Variants in PREX1 observed in about 807,000 individuals in gnomAD.
PREX1 encodes phosphatidylinositol-3,4,5-trisphosphate dependent Rac exchange factor 1.
Under a neutral mutation model 198.3 loss-of-function variants are expected in PREX1, and 41 were observed. The observed-to-expected ratio is 0.21, with a 90% CI of 0.16 to 0.27. The LOEUF (loss-of-function observed/expected upper bound fraction) is 0.27, where lower values mean the gene tolerates loss of function less well. PREX1 is among the 10% of genes least tolerant of loss of function. The pLI is 1.00. For missense variants in PREX1, 1,620 were observed against 2,200.7 expected (o/e 0.74, Z 5.28); for synonymous variants, 843 against 887.2 (o/e 0.95, Z 0.89).
At chr20:48,690,019 G>A (rs779930855) in intron 9 of PREX1, among the ~76,000 whole-genome samples, 4 of 152,162 alleles carry the variant, frequency 2.6e-5, no homozygotes, top group Non-Finnish European at 5.9e-5. Flanking sequence ...GGGGTGATAC[G>A]AAGAGTTTGA....
chr20:48,631,239 G>A (rs550614840), intron 35 of PREX1, among the ~76,000 whole-genome samples: 17 of 152,284 alleles, frequency 1.1e-4, no homozygotes, highest in African/African-American at 3.4e-4. Context: ...TCTCGATCGC[G>A]GCCACTCAGC....
At chr20:48,628,937 A>G (rs572347555) in intron 37 of PREX1, among the ~76,000 whole-genome samples, 6 of 152,196 alleles carry the variant, frequency 3.9e-5, no homozygotes, top group Non-Finnish European at 7.4e-5. Flanking sequence ...AAATACCCCA[A>G]TGAAGGCTGT....
intron 1 of PREX1, among the ~76,000 whole-genome samples, chr20:48,800,868 C>G (rs2090383568): frequency 6.6e-6 from 1 of 151,924 alleles, no homozygotes; most frequent in South Asian, 2.1e-4. Flanking sequence ...GTTGCCCAGG[C>G]TGGTCTTGAA....
At chr20:48,639,417 T>C (rs1018460462) in intron 30 of PREX1, among the ~76,000 whole-genome samples, 7 of 152,218 alleles carry the variant, frequency 4.6e-5, no homozygotes, top group Admixed American at 2.0e-4. Context: ...CCTCATACCC[T>C]GATAATAACA....
chr20:48,709,199 C>G (rs2089918789), intron 5 of PREX1, among the ~76,000 whole-genome samples: 1 of 152,150 alleles, frequency 6.6e-6, no homozygotes, highest in South Asian at 2.1e-4. Flanking sequence ...GCCAAATTAC[C>G]CAAATCACCC....
intron 7 of PREX1, among the ~76,000 whole-genome samples, chr20:48,700,527 A>G (rs2089868394): frequency 6.6e-6 from 1 of 152,246 alleles, no homozygotes; most frequent in African/African-American, 2.4e-5. Context: ...ACTAAAATAT[A>G]TTATTTAAAT....
chr20:48,817,519 T>C (rs1167576460), intron 1 of PREX1, among the ~76,000 whole-genome samples: 3 of 152,120 alleles, frequency 2.0e-5, no homozygotes, highest in Non-Finnish European at 4.4e-5. Flanking sequence ...ATTTTATAGA[T>C]GAGGAAACCA....
chr20:48,658,981 C>T (rs1226399105), intron 16 of PREX1, among the ~76,000 whole-genome samples: 1 of 152,008 alleles, frequency 6.6e-6, no homozygotes, highest in African/African-American at 2.4e-5. Flanking sequence ...GTAATCCCAG[C>T]ACTTTGGGAG....
intron 39 of PREX1, among the ~76,000 whole-genome samples, chr20:48,626,384 A>C (rs2089272725): frequency 2.0e-5 from 3 of 152,256 alleles, no homozygotes; most frequent in East Asian, 3.8e-4. Context: ...TGATGTGGTC[A>C]GCGCTCGGAC....
rs769491493 is a variant in PREX1 at position 48,653,445 on chromosome 20, G to A, written c.2262C>T (p.Val754=). ...CATCGTTCATCACGTTGCTGCCATT[G>A]ACCTTCAGAATGCACTGACCAGCAC... ...GLCAGQCILK[V]NGSNVMNDGA... is the part of the protein sequence containing the mutation. The change falls in exon 20 of 40, where the codon GTC becomes GTT. Residue 754 remains valine (V), a synonymous_variant. Coordinates refer to ENST00000371941, the MANE Select transcript of PREX1 (RefSeq NM_020820.4). The A allele has an allele frequency of 6.2e-7, 1 of 1,613,852 alleles. No individual in the cohort carries two copies. The highest frequency in any genetic ancestry group is 1.1e-5 in the South Asian group (1 of 91,076).
At chr20:48,728,068 C>T (rs146152084) in intron 4 of PREX1, among the ~76,000 whole-genome samples, 241 of 152,324 alleles carry the variant, frequency 1.6e-3, no homozygotes, top group African/African-American at 5.6e-3. Flanking sequence ...TCCTCCTCAA[C>T]ACCACCCTGG....
At chr20:48,734,426 G>T in intron 4 of PREX1, 120 bp downstream of exon 4, 1 of 885,688 alleles carries the variant, frequency 1.1e-6, no homozygotes, top group Non-Finnish European at 1.8e-6. Context: ...TTAGGCAGGA[G>T]ATTACCCCAG....
chr20:48,655,503 T>C, intron 18 of PREX1, 128 bp from the exon 19 acceptor site: 1 of 730,368 alleles, frequency 1.4e-6, no homozygotes. Context: ...AAAATAGTAG[T>C]AGCACCACCA....
chr20:48,705,202 T>C (rs2089897311), intron 6 of PREX1, among the ~76,000 whole-genome samples: 1 of 152,166 alleles, frequency 6.6e-6, no homozygotes, highest in Admixed American at 6.5e-5. Flanking sequence ...AAGGAATCTC[T>C]CCCCACGGAG....
intron 32 of PREX1, 105 bp from the exon 33 acceptor site, chr20:48,634,880 C>A (rs1354344528): frequency 4.3e-6 from 4 of 937,272 alleles, no homozygotes; most frequent in Non-Finnish European, 5.0e-6. Context: ...ACACTGTGGG[C>A]CCCCTGGGTG....
rs777227302 is a variant in PREX1, at chr20:48,636,626, A to T, written c.4004T>A (p.Val1335Glu). The T allele has an allele frequency of 6.2e-7, 1 of 1,611,474 alleles. No individual in the cohort carries two copies. The highest frequency in any genetic ancestry group is 8.5e-7 in the Non-Finnish European group (1 of 1,179,506). Residue 1335 changes from valine to glutamate, a missense_variant, in exon 32 of 40, where the codon GTG (valine) becomes GAG (glutamate). Transcript: ENST00000371941. Reference sequence around the variant, plus strand: ...CAGCAGCTGCTTGGAGAAGGTGCACACGGCGGCCACCAGGGCCTGGCAGAA... The same window carrying T: ...CAGCAGCTGCTTGGAGAAGGTGCACTCGGCGGCCACCAGGGCCTGGCAGAA... ...AIFCQALVAA[V>E]CTFSKQLLAA...
chr20:48,774,890 G>A (rs1387459845), intron 1 of PREX1, among the ~76,000 whole-genome samples: 1 of 152,266 alleles, frequency 6.6e-6, no homozygotes, highest in Non-Finnish European at 1.5e-5. Flanking sequence ...GCCTGCCATG[G>A]GGCAAGGTGT....
At chr20:48,634,626 C>T (rs1447443800) in intron 33 of PREX1, 50 bp downstream of exon 33, 2 of 1,583,618 alleles carry the variant, frequency 1.3e-6, no homozygotes, top group Admixed American at 3.3e-5. Context: ...GCTGTCCCTT[C>T]CACCCCAGGA....
chr20:48,747,673 G>A, intron 2 of PREX1, 136 bp downstream of exon 2: 2 of 957,584 alleles, frequency 2.1e-6, no homozygotes, highest in Admixed American at 2.1e-5. Flanking sequence ...AGCTGGGGCA[G>A]GGCAAAGCTG....
Sources: allele counts gnomAD v4.1 joint callset (sites outside exome capture counted in the v4.1 genomes callset), GRCh38; gene constraint gnomAD v4.1.1; transcripts MANE v1.5; gene names NCBI Gene and HGNC (gene_info 2026-07-23, HGNC 2026-07-21).